Variants in GRHL2 observed in about 807,000 individuals in gnomAD.
GRHL2 encodes grainyhead-like protein 2 homolog.
In GRHL2, 21 loss-of-function variants were observed where a neutral mutation model predicts 83.8. The observed-to-expected ratio is 0.25, with a 90% CI of 0.18 to 0.36. The LOEUF (loss-of-function observed/expected upper bound fraction) is 0.36. GRHL2 is among the 10% of genes least tolerant of loss of function. GRHL2 has a pLI of 1.00. For missense variants in GRHL2, 623 were observed against 781.8 expected (o/e 0.80, Z 2.42); for synonymous variants, 280 against 278.9 (o/e 1.00, Z -0.04).
In GRHL2 at chr8:101,600,006, G is replaced by A. The variant is rs148735066; in HGVS notation, c.1098+855G>A. On this transcript the variant is annotated intron_variant, in intron 8 of 15. Transcript: ENST00000646743. ...ATCTAGGAGGGTGTTAGAAGAGTTT[G>A]TCTTCAAACTAATGAAAAGGTCAAT... 4.3e-3 allele frequency among the ~76,000 whole-genome samples: 653 copies of A among 152,258 alleles called. 5 individuals are homozygous for A. Among genetic ancestry groups the A allele is most frequent in the African/African-American group, 0.014 (571 of 41,548 alleles).
chr8:101,543,300 G>T lies in GRHL2; in HGVS notation c.80G>T (p.Arg27Ile). The T allele has an allele frequency of 6.2e-7, 1 of 1,614,022 alleles. No homozygotes were observed. Among genetic ancestry groups the T allele is most frequent in the Admixed American group, 1.7e-5 (1 of 60,010 alleles). Residue 27 changes from arginine (R) to isoleucine (I), a missense_variant, in exon 2 of 16, where the codon AGA becomes ATA. This residue lies in a region of GRHL2 where 39 missense variants were observed against 34.8 expected (regional missense o/e 1.12). Coordinates refer to ENST00000646743, the MANE Select transcript of GRHL2 (RefSeq NM_024915.4). Reference protein sequence around the residue: ...MPSDPPFNTRRAYTSEDEAWK... With the variant: ...MPSDPPFNTRIAYTSEDEAWK... The stretch of plus-strand genomic sequence containing the variant: ...AGTGACCCTCCATTCAATACCCGAA[G>T]AGCCTACACCAGTGAGGATGAAGCC...
chr8:101,531,312 C>A (rs959444472), intron 1 of GRHL2, among the ~76,000 whole-genome samples: 4 of 151,510 alleles, frequency 2.6e-5, no homozygotes, highest in Admixed American at 1.3e-4. Context: ...AGTTACTTAA[C>A]ACTCTATTCT....
chr8:101,649,085 G>A (rs866207181), intron 13 of GRHL2, among the ~76,000 whole-genome samples: 1 of 152,158 alleles, frequency 6.6e-6, no homozygotes, highest in African/African-American at 2.4e-5. Flanking sequence ...TTTGTCAAAG[G>A]AACAAATAAC....
chr8:101,507,888 G>A (rs189020959), intron 1 of GRHL2, among the ~76,000 whole-genome samples: 6 of 135,316 alleles, frequency 4.4e-5, no homozygotes, highest in South Asian at 2.2e-4. Context: ...AGCAATTTTC[G>A]TGCCTTAGCC....
At chr8:101,538,122 A>G (rs561109155) in intron 1 of GRHL2, among the ~76,000 whole-genome samples, 1 of 152,154 alleles carries the variant, frequency 6.6e-6, no homozygotes, top group East Asian at 1.9e-4. Context: ...TTTGGATCCC[A>G]AGTGTCTTTA....
At chr8:101,517,244 T>G (rs1810591140) in intron 1 of GRHL2, among the ~76,000 whole-genome samples, 1 of 152,188 alleles carries the variant, frequency 6.6e-6, no homozygotes, top group South Asian at 2.1e-4. Flanking sequence ...TTCAGCAGTC[T>G]TCTCCCTGCC....
rs1413370755 is a variant in GRHL2, at chr8:101,669,611, T to C, written c.*2908T>C. ...TGTTTTAAAAAAAAAAAGGTAAATG[T>C]AACTTAATAGTTTTGTAAATGGGAG... On this transcript the variant is annotated 3_prime_UTR_variant, in exon 16 of 16. Transcript: ENST00000646743. 3 of 152,526 alleles carry C rather than the reference T, an allele frequency of 2.0e-5. No individual in the cohort carries two copies. Among genetic ancestry groups the C allele is most frequent in the African/African-American group, 7.2e-5 (3 of 41,392 alleles). The allele number at this position is 152,526 out of a possible 1,614,324, so 9.4% of individuals were successfully genotyped here. A position where few individuals can be genotyped will look rare whatever the true frequency, so the allele number is the denominator to read the frequency against.
Position 101,492,562 on chromosome 8 carries a change from C to A in GRHL2, c.-208C>A, listed in dbSNP as rs1274121645. 3.0e-6 allele frequency: 2 copies of A among 664,834 alleles called. No homozygotes were observed. The highest frequency in any genetic ancestry group is 5.5e-6 in the Non-Finnish European group (2 of 362,400). 41.2% of individuals were successfully genotyped at this position (664,834 alleles called of 1,614,324 possible). On this transcript the variant is annotated 5_prime_UTR_variant, in exon 1 of 16. Transcript: ENST00000646743. ...AGCTCGGGCCCCATGTGAGGGGCCCCCCCTTATCCCACCTTTCCGGCTAGG... is the reference window on the plus strand; with the variant it reads ...AGCTCGGGCCCCATGTGAGGGGCCCACCCTTATCCCACCTTTCCGGCTAGG...
the GRHL2 span, among the ~76,000 whole-genome samples, chr8:101,678,361 T>A: frequency 6.6e-6 from 1 of 152,092 alleles, no homozygotes; most frequent in Admixed American, 6.5e-5. Flanking sequence ...ACCCGAATAC[T>A]GCGCTTTTCC....
At chr8:101,656,869 A>ACACACACACACACACACACACACAC (rs1813799855) in intron 14 of GRHL2, among the ~76,000 whole-genome samples, 1 of 55,360 alleles carries the variant, frequency 1.8e-5, no homozygotes, top group African/African-American at 9.2e-5. Flanking sequence ...TTATGTGTCT[A>ACACACACACACACACACACACACAC]ACAGACACAC....
chr8:101,506,534 G>C (rs523244), intron 1 of GRHL2, among the ~76,000 whole-genome samples: 149,326 of 152,320 alleles, frequency 0.98, 73,287 homozygotes, highest in Non-Finnish European at 1. Flanking sequence ...AAGTATTCTC[G>C]TACATAGCAT....
intron 9 of GRHL2, among the ~76,000 whole-genome samples, chr8:101,630,575 T>C (rs2130395283): frequency 6.6e-6 from 1 of 152,298 alleles, no homozygotes; most frequent in South Asian, 2.1e-4. Flanking sequence ...TTGGGGACAA[T>C]TTCGGAAGGG....
downstream of GRHL2, among the ~76,000 whole-genome samples, chr8:101,673,464 T>C (rs202103655): frequency 3.4e-4 from 51 of 149,342 alleles, no homozygotes; most frequent in South Asian, 4.3e-3. Flanking sequence ...AAGGCCATTA[T>C]ATAATGGTAA....
At chr8:101,528,853 T>C (rs925325030) in intron 1 of GRHL2, 24 of 353,564 alleles carry the variant, frequency 6.8e-5, no homozygotes, top group African/African-American at 4.6e-4. Flanking sequence ...TTCCTTTAGC[T>C]TATCCAGGTT....
At chr8:101,657,721 T>A (rs1395293513) in intron 14 of GRHL2, among the ~76,000 whole-genome samples, 1 of 151,058 alleles carries the variant, frequency 6.6e-6, no homozygotes, top group African/African-American at 2.4e-5. Flanking sequence ...GCGCCTATAG[T>A]CCCAGCTACT....
At chr8:101,497,138 C>A (rs1183324846) in intron 1 of GRHL2, among the ~76,000 whole-genome samples, 1 of 152,288 alleles carries the variant, frequency 6.6e-6, no homozygotes, top group East Asian at 1.9e-4. Flanking sequence ...TGGATTAAAT[C>A]TTGTACACTC....
intron 2 of GRHL2, among the ~76,000 whole-genome samples, chr8:101,544,261 A>G (rs2130125644): frequency 6.6e-6 from 1 of 152,344 alleles, no homozygotes; most frequent in Admixed American, 6.5e-5. Context: ...TATAAGGAAC[A>G]TTCCAGTGAA....
chr8:101,643,783 G>A (rs2211915), intron 12 of GRHL2, among the ~76,000 whole-genome samples: 15,706 of 152,290 alleles, frequency 0.1, 1,567 homozygotes, highest in African/African-American at 0.26. Flanking sequence ...TGGACACCAT[G>A]TGGACACCAG....
chr8:101,543,246 A>G lies in GRHL2; in HGVS notation c.26A>G (p.Lys9Arg), dbSNP rs3735709. MSQESDNNKRLVALVPMPS... is the reference protein window; with the variant it reads MSQESDNNRRLVALVPMPS... ...CATTTCTCTTGTTTTTACAGTAATA[A>G]AAGACTAGTGGCCTTAGTGCCCATG... The change falls in exon 2 of 16, where the codon AAA becomes AGA. Residue 9 changes from lysine (K) to arginine (R), a missense_variant. By Grantham distance (26) the Lys-to-Arg change is conservative. Around this residue, in one of 8 missense-constraint regions of GRHL2, gnomAD observed 39 missense variants for 34.8 expected, o/e 1.12. Coordinates refer to ENST00000646743, the MANE Select transcript of GRHL2 (RefSeq NM_024915.4). The G allele has an allele frequency of 0.026, 41,550 of 1,613,508 alleles. 688 individuals are homozygous for G. The highest frequency in any genetic ancestry group is 0.058 in the East Asian group (2,599 of 44,878).
Sources: gnomAD v4.1 joint callset for allele counts (sites outside exome capture counted in the v4.1 genomes callset) on GRCh38, gnomAD v4.1.1 for gene constraint, gnomAD v4.1.1 regional missense constraint, MANE v1.5 for transcripts, NCBI Gene and HGNC (gene_info 2026-07-23, HGNC 2026-07-21) for gene names.